FLT4: variants seen among roughly 807,000 people sequenced by gnomAD.
FLT4 encodes fms related receptor tyrosine kinase 4.
In FLT4, 30 loss-of-function variants were observed where a neutral mutation model predicts 163.2. The observed-to-expected ratio is 0.18, with a 90% CI of 0.14 to 0.25. FLT4 has a LOEUF of 0.25. Ranked by LOEUF, FLT4 falls within the 10% of genes least tolerant of loss-of-function variation. FLT4 has a pLI of 1.00. For synonymous variants in FLT4, 884 were observed against 789.5 expected (o/e 1.12, Z -2.01); for missense variants, 1,510 against 1,863.8 (o/e 0.81, Z 3.50).
At chr5:180,628,292 G>A (rs1005690302) in intron 8 of FLT4, among the ~76,000 whole-genome samples, 1 of 152,192 alleles carries the variant, frequency 6.6e-6, no homozygotes, top group East Asian at 1.9e-4. Context: ...GAGCCTGCAG[G>A]GAGTAGCCAG....
intron 27 of FLT4, among the ~76,000 whole-genome samples, 165 bp from the exon 28 acceptor site, chr5:180,610,190 C>A (rs562421112): frequency 6.6e-6 from 1 of 152,332 alleles, no homozygotes; most frequent in East Asian, 1.9e-4. Context: ...CCTCCGTGTG[C>A]CTGGCCTCAG....
chr5:180,628,141 G>A (rs866037343), intron 8 of FLT4, among the ~76,000 whole-genome samples: 6 of 152,186 alleles, frequency 3.9e-5, no homozygotes, highest in Non-Finnish European at 5.9e-5. Context: ...GGGAATTGGC[G>A]ATCAGTTAGG....
chr5:180,608,926 A>G (rs1761961715), intron 29 of FLT4, 42 bp downstream of exon 29: 1 of 1,527,634 alleles, frequency 6.5e-7, no homozygotes, highest in African/African-American at 1.4e-5. Flanking sequence ...AGGGGAGGGC[A>G]ACATCGATAC....
In FLT4 at chr5:180,625,891, T is replaced by C; in HGVS notation, c.1399A>G (p.Lys467Glu). 6.2e-7 allele frequency: 1 copy of C among 1,612,028 alleles called. No homozygotes were observed. The highest frequency in any genetic ancestry group is 1.8e-4 in the Middle Eastern group (1 of 5,436). Residue 467 changes from lysine to glutamate, a missense_variant, in exon 10 of 30, where the codon AAG becomes GAG. Physicochemically the swap from Lys to Glu is moderately conservative, Grantham distance 56. This residue lies in a region of FLT4 where 878 missense variants were observed against 1,016.7 expected (regional missense o/e 0.86). Coordinates refer to ENST00000261937, the MANE Select transcript of FLT4 (RefSeq NM_182925.5). ...CACAGACTACGCTGGGCAAACATCT[T>C]GCAGGGTGTCCAGGGCCGCCAGTGC... ...QWHWRPWTPC[K>E]MFAQRSLRRR...
At chr5:180,612,649 C>G in intron 25 of FLT4, 38 bp from the exon 26 acceptor site, 1 of 1,493,636 alleles carries the variant, frequency 6.7e-7, no homozygotes, top group Non-Finnish European at 9.3e-7. Flanking sequence ...GCATGCACCC[C>G]ACCCCCGTCC....
Position 180,630,042 on chromosome 5 carries a change from C to T in FLT4, c.577G>A (p.Val193Met), listed in dbSNP as rs778477946. 2.5e-6 allele frequency: 4 copies of T among 1,612,664 alleles called. No individual in the cohort carries two copies. The highest frequency in any genetic ancestry group is 1.3e-5 in the African/African-American group (1 of 74,914). The part of the protein sequence containing the change: ...VVWDDRRGML[V>M]STPLLHDALY... ...GCATCGTGCAGCAGTGGCGTGGACA[C>T]GAGCATGCCCCGCCGGTCATCCCAC... is the stretch of plus-strand genomic sequence containing the variant. Residue 193 changes from valine to methionine, a missense_variant, in exon 5 of 30, where the codon GTG becomes ATG. Physicochemically the swap from Val to Met is conservative, Grantham distance 21. Around this residue, in one of 5 missense-constraint regions of FLT4, gnomAD observed 163 missense variants for 281.1 expected, o/e 0.58. Transcript: ENST00000261937. The surrounding 1 kb of genome is among the most constrained non-coding windows in gnomAD (Gnocchi z 6.3).
intron 13 of FLT4, 136 bp downstream of exon 13, chr5:180,621,406 G>A (rs1763133539): frequency 2.1e-6 from 3 of 1,431,130 alleles, no homozygotes; most frequent in East Asian, 2.3e-5. Context: ...AGGGGGCGGC[G>A]GATAGTCAGG....
rs3053717 is a variant in FLT4 at position 180,603,903 on chromosome 5, T to TAA, written c.3894-515_3894-514dup. Among the ~76,000 whole-genome samples the TAA allele has an allele frequency of 1.3e-3, 182 of 142,812 alleles. 1 individual carries two copies. The highest frequency in any genetic ancestry group is 2.9e-3 in the African/African-American group (109 of 38,238). The allele number at this position is 142,812 out of a possible 152,430, so 93.7% of individuals were successfully genotyped here. ...TGGGCGACAGAGTGAGACTCCATCT[T>TAA]AAAAAAAAAAAAAATTGCTTGAGCC... is the stretch of plus-strand genomic sequence containing the variant. On this transcript the variant is annotated intron_variant, in intron 29 of 29. Coordinates refer to ENST00000261937, the MANE Select transcript of FLT4 (RefSeq NM_182925.5).
intron 29 of FLT4, among the ~76,000 whole-genome samples, chr5:180,607,533 C>G (rs918534242): frequency 6.6e-6 from 1 of 151,292 alleles, no homozygotes; most frequent in Non-Finnish European, 1.5e-5. Flanking sequence ...CCCAGCTACT[C>G]GGAAGGCTGA....
At position 180,623,430 on chromosome 5, in the gene FLT4, G is replaced by C. The variant is rs539172391; in HGVS notation, c.1548+505C>G. ...CCACAGGCCCTGCCTACCATCCAAA[G>C]ACCCCCACCCCCACCCCACCCCCAG... On this transcript the variant is annotated intron_variant, in intron 11 of 29. Coordinates refer to ENST00000261937, the MANE Select transcript of FLT4 (RefSeq NM_182925.5). The surrounding 1 kb of genome is among the most constrained non-coding windows in gnomAD (Gnocchi z 5.8). 3.9e-5 allele frequency among the ~76,000 whole-genome samples: 6 copies of C among 152,152 alleles called. No individual in the cohort carries two copies. Among genetic ancestry groups the C allele is most frequent in the Admixed American group, 2.0e-4 (3 of 15,288 alleles).
chr5:180,620,651 G>C lies in FLT4; in HGVS notation c.2364C>G (p.Phe788Leu). The C allele has an allele frequency of 6.2e-7, 1 of 1,613,558 alleles. No individual in the cohort carries two copies. Among genetic ancestry groups the C allele is most frequent in the Non-Finnish European group, 8.5e-7 (1 of 1,179,966 alleles). ...AGATGAGGAGGAGGAGGACCCAGAA[G>C]AAGACAGCGATGACGCCGGTACCGA... The part of the protein sequence containing the change: ...ILVGTGVIAV[F>L]FWVLLLLIFC... The change falls in exon 16 of 30, where the codon TTC becomes TTG. Residue 788 changes from phenylalanine (F) to leucine (L), a missense_variant. Phe to Leu is a conservative substitution (Grantham distance 22). Around this residue, in one of 5 missense-constraint regions of FLT4, gnomAD observed 878 missense variants for 1,016.7 expected, o/e 0.86. Coordinates refer to ENST00000261937, the MANE Select transcript of FLT4 (RefSeq NM_182925.5). The surrounding 1 kb of genome is among the most constrained non-coding windows in gnomAD (Gnocchi z 4.4).
At chr5:180,621,352 G>A in intron 13 of FLT4, 100 bp from the exon 14 acceptor site, 1 of 1,468,754 alleles carries the variant, frequency 6.8e-7, no homozygotes, top group Non-Finnish European at 9.2e-7. Flanking sequence ...CTGGAAGCTG[G>A]ACTTAGGGGT....
chr5:180,626,663 C>T (rs886242000), intron 8 of FLT4, among the ~76,000 whole-genome samples: 2 of 152,240 alleles, frequency 1.3e-5, no homozygotes, highest in African/African-American at 2.4e-5. Flanking sequence ...GGGTCCCACA[C>T]ACCTGGTTCC....
intron 1 of FLT4, among the ~76,000 whole-genome samples, chr5:180,643,588 A>G (rs1765291108): frequency 6.6e-6 from 1 of 151,866 alleles, no homozygotes; most frequent in African/African-American, 2.4e-5. Context: ...GCCTAAAACC[A>G]TCCCCTGCCC....
At chr5:180,619,156 G>C (rs1014145086) in intron 19 of FLT4, 47 bp from the exon 20 acceptor site, 62 of 1,349,474 alleles carry the variant, frequency 4.6e-5, no homozygotes, top group Admixed American at 7.7e-5. Context: ...CCCGGGGCGC[G>C]CTGCGGGCGC....
At chr5:180,608,424 C>T (rs754917523) in intron 29 of FLT4, 26 of 686,660 alleles carry the variant, frequency 3.8e-5, no homozygotes, top group South Asian at 7.7e-5. Context: ...GGGCCACTAC[C>T]GGTCTCCACG....
Position 180,629,937 on chromosome 5 carries a change from T to C in FLT4, c.676+6A>G, listed in dbSNP as rs1423814429. 1 of 1,612,584 alleles carries C rather than the reference T, an allele frequency of 6.2e-7. No homozygotes were observed. Among genetic ancestry groups the C allele is most frequent in the Non-Finnish European group, 8.5e-7 (1 of 1,179,874 alleles). On this transcript the variant is annotated splice_donor_region_variant and intron_variant, in intron 5 of 29. Coordinates refer to ENST00000261937, the MANE Select transcript of FLT4 (RefSeq NM_182925.5). The stretch of plus-strand genomic sequence containing the variant: ...CGTTACTGGGAACGGGGCACAGCCC[T>C]GTTACCTGTGATGTGCACCAGGAAG...
intron 2 of FLT4, among the ~76,000 whole-genome samples, chr5:180,631,269 C>G (rs991843921): frequency 3.3e-5 from 5 of 151,866 alleles, no homozygotes; most frequent in Admixed American, 6.6e-5. Flanking sequence ...GTCAGGAGAT[C>G]AAGACCATCC....
intron 23 of FLT4, among the ~76,000 whole-genome samples, chr5:180,614,671 T>C (rs370094351): frequency 2.0e-5 from 3 of 151,590 alleles, no homozygotes; most frequent in African/African-American, 7.3e-5. Flanking sequence ...GGTCTCTACC[T>C]GGGAGCCCTG....
Sources: gnomAD v4.1 joint callset for allele counts (sites outside exome capture counted in the v4.1 genomes callset) on GRCh38, gnomAD v4.1.1 for gene constraint, gnomAD v4.1.1 regional missense constraint, Gnocchi (gnomAD v3.1) non-coding constraint, MANE v1.5 for transcripts, NCBI Gene and HGNC (gene_info 2026-07-23, HGNC 2026-07-21) for gene names.